TTC5: variants seen among roughly 807,000 people sequenced by gnomAD.
The protein encoded by TTC5 is tetratricopeptide repeat protein 5.
A neutral mutation model predicts 57.4 loss-of-function variants in TTC5; 46 were observed. That is an observed-to-expected ratio of 0.80 (90% CI 0.63 to 1.03). The LOEUF (loss-of-function observed/expected upper bound fraction) is 1.03, where lower values mean the gene tolerates loss of function less well. TTC5 is among the 50% of genes least tolerant of loss of function. TTC5 has a pLI of 0.00. For synonymous variants in TTC5, 190 were observed against 203.5 expected, an observed-to-expected ratio of 0.93 and a Z score of 0.57; for missense variants, 504 against 528.1, an observed-to-expected ratio of 0.95 and a Z score of 0.45.
At position 20,301,960 on chromosome 14, in the gene TTC5, G is replaced by A. The variant is rs779650413; in HGVS notation, c.57C>T (p.Leu19=). The A allele has an allele frequency of 5.6e-6, 9 of 1,613,822 alleles. No homozygotes were observed. Among genetic ancestry groups the A allele is most frequent in the Admixed American group, 1.7e-5 (1 of 60,006 alleles). Residue 19 remains leucine (L), a synonymous_variant, in exon 2 of 10, where the codon CTC becomes CTT. Transcript: ENST00000258821. ...VKPILQKLQE[L]VDQLYSFRDC... ...CTCGAAATGAGTAGAGCTGATCCAC[G>A]AGTTCCTAAAAAGTATGACAATGGA...
In TTC5 at chr14:20,289,533, T is replaced by A; in HGVS notation, c.*94A>T. ...AGAAAGTCTTCATTTAAAACATTCCTCCCATCCCTGCTGAATCACTGGATG... is the reference window on the plus strand; with the variant it reads ...AGAAAGTCTTCATTTAAAACATTCCACCCATCCCTGCTGAATCACTGGATG... On this transcript the variant is annotated 3_prime_UTR_variant, in exon 10 of 10. Coordinates refer to ENST00000258821, the MANE Select transcript of TTC5 (RefSeq NM_138376.3). The A allele has an allele frequency of 1.4e-6, 2 of 1,446,262 alleles. No individual in the cohort carries two copies. The highest frequency in any genetic ancestry group is 2.7e-5 in the South Asian group (2 of 73,706). The allele number at this position is 1,446,262 out of a possible 1,614,324, so 89.6% of individuals were successfully genotyped here. A position where few individuals can be genotyped will look rare whatever the true frequency, so the allele number is the denominator to read the frequency against.
chr14:20,289,981 T>A (rs1881921857), intron 9 of TTC5, among the ~76,000 whole-genome samples: 1 of 152,206 alleles, frequency 6.6e-6, no homozygotes, highest in Non-Finnish European at 1.5e-5. Context: ...ACTACAAGAA[T>A]GAGACAGCTC....
chr14:20,300,847 G>GA (rs750159216), intron 2 of TTC5, 29 bp from the exon 3 acceptor site: 11 of 1,550,442 alleles, frequency 7.1e-6, no homozygotes, highest in Admixed American at 6.1e-5. Flanking sequence ...GATAAAGTGG[G>GA]AAAAAAACAA....
chr14:20,291,849 A>G, intron 9 of TTC5, 134 bp downstream of exon 9: 1 of 687,284 alleles, frequency 1.5e-6, no homozygotes. Flanking sequence ...AATAAAACAT[A>G]TACACACAAA....
intron 8 of TTC5, chr14:20,294,627 A>C (rs1338900246): frequency 6.6e-6 from 1 of 152,196 alleles, no homozygotes. Context: ...GAAAATAACA[A>C]TTTCAGTAGA....
At chr14:20,289,842 C>A in intron 9 of TTC5, 96 bp from the exon 10 acceptor site, 1 of 1,335,760 alleles carries the variant, frequency 7.5e-7, no homozygotes. Flanking sequence ...TGCACCACCT[C>A]CCCTGTTGTA....
In TTC5 at chr14:20,291,097, G is replaced by A. The variant is rs143461321; in HGVS notation, c.1203+886C>T. ...TTGAGGCAGACTTTCTCTATCACCC[G>A]GGCTGGCGTGCAATGGGACAATAAT... is the stretch of plus-strand genomic sequence containing the variant. On this transcript the variant is annotated intron_variant, in intron 9 of 9. Transcript: ENST00000258821. Among the ~76,000 whole-genome samples, 1,242 of 151,468 alleles carry A rather than the reference G, an allele frequency of 8.2e-3. 22 individuals are homozygous for A. Among genetic ancestry groups the A allele is most frequent in the African/African-American group, 0.029 (1,176 of 41,226 alleles).
chr14:20,298,986 GAAATCCAAACCA>G (rs1882125285), intron 4 of TTC5, 98 bp from the exon 5 acceptor site: 4 of 991,406 alleles, frequency 4.0e-6, no homozygotes, highest in Non-Finnish European at 6.1e-6. Context: ...GGTCCCACAA[GAAATCCAAACCA>G]GGAATGACAC....
rs765232157 is a variant in TTC5, at chr14:20,299,306, C to T, written c.539G>A (p.Arg180His). The change falls in exon 4 of 10, where the codon CGC becomes CAC. Residue 180 changes from arginine (R) to histidine (H), a missense_variant. By Grantham distance (29) the Arg-to-His change is conservative. Transcript: ENST00000258821. ...CTTTTGAGAGCACTCACACCAGGAG[C>T]GGCCATCATGGACATCCATCTGAAC... ...LAVQMDVHDG[R>H]SWYILGNSYL... 8.1e-5 allele frequency: 130 copies of T among 1,613,520 alleles called. No homozygotes were observed. Among genetic ancestry groups the T allele is most frequent in the Non-Finnish European group, 9.7e-5 (115 of 1,179,736 alleles).
rs1362024548 is a variant in TTC5 at position 20,287,845 on chromosome 14, T to C, written c.*1782A>G. ...TCAGCCAATTCTCAAGTTATTTTTA[T>C]ACCCCACAAGCTCCTAATCACTCTT... is the stretch of plus-strand genomic sequence containing the variant. On this transcript the variant is annotated 3_prime_UTR_variant, in exon 10 of 10. Coordinates refer to ENST00000258821, the MANE Select transcript of TTC5 (RefSeq NM_138376.3). 1 of 152,256 alleles carries C rather than the reference T, an allele frequency of 6.6e-6. No individual in the cohort carries two copies. Among genetic ancestry groups the C allele is most frequent in the African/African-American group, 2.4e-5 (1 of 41,468 alleles). 9.4% of individuals were successfully genotyped at this position (152,256 alleles called of 1,614,324 possible).
chr14:20,296,144 A>G (rs1168547291), intron 6 of TTC5, among the ~76,000 whole-genome samples: 1 of 152,198 alleles, frequency 6.6e-6, no homozygotes, highest in Non-Finnish European at 1.5e-5. Context: ...ACATTTCAGA[A>G]GTCTTCTAAA....
Position 20,286,684 on chromosome 14 carries a change from A to G in TTC5, c.*2943T>C, listed in dbSNP as rs1280917269. ...AAAACACAAAAAGCATTATCATAAA[A>G]GATGGATAAATTCAATGACATTGAA... On this transcript the variant is annotated 3_prime_UTR_variant, in exon 10 of 10. Coordinates refer to ENST00000258821, the MANE Select transcript of TTC5 (RefSeq NM_138376.3). The G allele has an allele frequency of 1.3e-5, 2 of 152,174 alleles. No individual in the cohort carries two copies. Among genetic ancestry groups the G allele is most frequent in the Non-Finnish European group, 2.9e-5 (2 of 68,012 alleles). The allele number at this position is 152,174 out of a possible 1,614,324, so 9.4% of individuals were successfully genotyped here. A position where few individuals can be genotyped will look rare whatever the true frequency, so the allele number is the denominator to read the frequency against.
rs769320897 is a variant in TTC5, at chr14:20,296,427, G to A, written c.659C>T (p.Ala220Val). ...YAQAEKVDRK[A>V]SSNPDLHLNR... ...CAGATGAAGGTCAGGATTGCTAGAA[G>A]CTTTTCTGTCAACTTTCTCCTATAA... Residue 220 changes from alanine to valine, a missense_variant, in exon 6 of 10, where the codon GCT becomes GTT. Coordinates refer to ENST00000258821, the MANE Select transcript of TTC5 (RefSeq NM_138376.3). The A allele has an allele frequency of 1.2e-5, 19 of 1,612,354 alleles. No homozygotes were observed. Among genetic ancestry groups the A allele is most frequent in the Admixed American group, 1.7e-5 (1 of 59,998 alleles).
intron 6 of TTC5, 133 bp from the exon 7 acceptor site, chr14:20,295,987 C>T: frequency 1.2e-6 from 1 of 865,670 alleles, no homozygotes. Flanking sequence ...CAACAAACAG[C>T]CTGAAGAGCT....
intron 9 of TTC5, among the ~76,000 whole-genome samples, chr14:20,291,214 T>C (rs1053618179): frequency 6.6e-6 from 1 of 152,134 alleles, no homozygotes; most frequent in African/African-American, 2.4e-5. Context: ...CTACCATACC[T>C]GGCTAAGTTT....
intron 6 of TTC5, 48 bp from the exon 7 acceptor site, chr14:20,295,902 C>G: frequency 6.7e-7 from 1 of 1,500,582 alleles, no homozygotes; most frequent in African/African-American, 1.4e-5. Flanking sequence ...GACAAACTAT[C>G]CCGAGGGAAT....
chr14:20,291,957 G>A, intron 9 of TTC5, 26 bp downstream of exon 9: 1 of 1,532,078 alleles, frequency 6.5e-7, no homozygotes, highest in Non-Finnish European at 8.8e-7. Flanking sequence ...CCTACGAGTT[G>A]TAAGAGAATC....
At chr14:20,300,401 A>C in intron 3 of TTC5, 1 of 561,442 alleles carries the variant, frequency 1.8e-6, no homozygotes, top group Non-Finnish European at 3.1e-6. Context: ...TCTCCCCCTG[A>C]ACCTGATCCC....
At chr14:20,303,057 T>G (rs572627832) in intron 1 of TTC5, among the ~76,000 whole-genome samples, 6 of 151,906 alleles carry the variant, frequency 3.9e-5, no homozygotes, top group Non-Finnish European at 8.8e-5. Context: ...CCAGGCATGG[T>G]GGCGCACACC....
Sources: gnomAD v4.1 joint callset for allele counts (sites outside exome capture counted in the v4.1 genomes callset) on GRCh38, gnomAD v4.1.1 for gene constraint, MANE v1.5 for transcripts, NCBI Gene and HGNC (gene_info 2026-07-23, HGNC 2026-07-21) for gene names.